Variants in RAB10 observed in about 807,000 individuals in gnomAD.
RAB10 encodes the protein RAB10, member RAS oncogene family.
In RAB10, 5 loss-of-function variants were observed where a neutral mutation model predicts 25.7. The ratio of observed to expected loss-of-function variants is 0.19; its 90% CI spans 0.10 to 0.41. The LOEUF (loss-of-function observed/expected upper bound fraction) is 0.41, where lower values mean the gene tolerates loss of function less well. Ranked by LOEUF, RAB10 falls within the 10% of genes least tolerant of loss-of-function variation. The pLI, the probability that RAB10 is intolerant of heterozygous loss-of-function variation, is 1.00. For synonymous variants in RAB10, 89 were observed against 86.4 expected, an observed-to-expected ratio of 1.03 and a Z score of -0.16; for missense variants, 103 against 245.8, an observed-to-expected ratio of 0.42 and a Z score of 3.89.
chr2:26,079,426 GAAGA>G (rs935258632), intron 1 of RAB10, among the ~76,000 whole-genome samples: 24 of 151,948 alleles, frequency 1.6e-4, no homozygotes, highest in Admixed American at 3.9e-4. Flanking sequence ...TCTCGTTGTT[GAAGA>G]AAGAAGTTGA....
Position 26,099,410 on chromosome 2 carries a change from C to G in RAB10, c.188+688C>G, listed in dbSNP as rs184316310. Among the ~76,000 whole-genome samples the G allele has an allele frequency of 1.3e-3, 191 of 152,212 alleles. 1 individual carries two copies. The highest frequency in any genetic ancestry group is 4.4e-3 in the African/African-American group (181 of 41,548). On this transcript the variant is annotated intron_variant, in intron 2 of 5. Transcript: ENST00000264710. ...CAGTCAAGATAGTGAACATATTTGT[C>G]ACCTCAAAAGTTTCCTCAAGCCTCT...
Position 26,034,564 on chromosome 2 carries a change from A to C in RAB10, c.-45A>C. 1 of 1,611,606 alleles carries C rather than the reference A, an allele frequency of 6.2e-7. No homozygotes were observed. The highest frequency in any genetic ancestry group is 8.5e-7 in the Non-Finnish European group (1 of 1,179,570). On this transcript the variant is annotated 5_prime_UTR_variant, in exon 1 of 6. Transcript: ENST00000264710. ...GAGTTGGCCGTAGTGAGAGGGACCG[A>C]TCCCTTGGGGCCGCCGGCGGCGAGA...
chr2:26,083,378 C>G (rs1201842985), intron 1 of RAB10, among the ~76,000 whole-genome samples: 2 of 151,686 alleles, frequency 1.3e-5, no homozygotes, highest in East Asian at 1.9e-4. Flanking sequence ...TCTTTTTTCT[C>G]TTTTCTCTCT....
chr2:26,041,127 A>G (rs1282096498), intron 1 of RAB10, among the ~76,000 whole-genome samples: 1 of 152,056 alleles, frequency 6.6e-6, no homozygotes, highest in East Asian at 1.9e-4. Context: ...GCAGGCAGGT[A>G]GGCAGACAGG....
At chr2:26,117,443 C>T (rs1299256139) in intron 3 of RAB10, among the ~76,000 whole-genome samples, 1 of 151,956 alleles carries the variant, frequency 6.6e-6, no homozygotes. Context: ...GAAACCCCGT[C>T]TCTACTAAAA....
At chr2:26,051,029 C>G (rs957870770) in intron 1 of RAB10, among the ~76,000 whole-genome samples, 3 of 152,056 alleles carry the variant, frequency 2.0e-5, no homozygotes, top group Non-Finnish European at 4.4e-5. Flanking sequence ...AGAGATCTTC[C>G]TGGGTTCAAG....
At chr2:26,120,461 G>C (rs192912060) in intron 3 of RAB10, among the ~76,000 whole-genome samples, 60 of 152,192 alleles carry the variant, frequency 3.9e-4, no homozygotes, top group Admixed American at 2.2e-3. Context: ...GCACATGGCA[G>C]GATTTTAGGA....
intron 3 of RAB10, among the ~76,000 whole-genome samples, chr2:26,119,930 G>A (rs929631383): frequency 2.6e-5 from 4 of 152,232 alleles, no homozygotes; most frequent in Admixed American, 2.0e-4. Flanking sequence ...ACTGATGTGA[G>A]TTGGCGTGGA....
At chr2:26,052,727 T>G (rs1292989521) in intron 1 of RAB10, among the ~76,000 whole-genome samples, 1 of 152,166 alleles carries the variant, frequency 6.6e-6, no homozygotes, top group African/African-American at 2.4e-5. Context: ...CTCCTATCTG[T>G]AGTCTCATTC....
intron 1 of RAB10, among the ~76,000 whole-genome samples, chr2:26,050,024 T>C (rs781410048): frequency 6.6e-6 from 1 of 152,250 alleles, no homozygotes; most frequent in Non-Finnish European, 1.5e-5. Context: ...TTATTAATTA[T>C]GCCTGGTTGC....
chr2:26,050,304 C>T (rs1241287418), intron 1 of RAB10, among the ~76,000 whole-genome samples: 1 of 152,122 alleles, frequency 6.6e-6, no homozygotes, highest in Admixed American at 6.6e-5. Context: ...AAACATTACT[C>T]CATTGTCTTC....
intron 3 of RAB10, among the ~76,000 whole-genome samples, chr2:26,110,604 T>C (rs1667550649): frequency 1.3e-5 from 2 of 152,242 alleles, no homozygotes; most frequent in Non-Finnish European, 1.5e-5. Flanking sequence ...TATAGAAATA[T>C]AATATTGCTT....
intron 3 of RAB10, among the ~76,000 whole-genome samples, chr2:26,118,065 C>G (rs191362441): frequency 6.6e-6 from 1 of 151,178 alleles, no homozygotes; most frequent in African/African-American, 2.4e-5. Context: ...CTCCACCTCC[C>G]GGATTCAAGT....
intron 2 of RAB10, 24 bp from the exon 3 acceptor site, chr2:26,109,744 G>A: frequency 1.3e-6 from 2 of 1,526,898 alleles, no homozygotes; most frequent in Non-Finnish European, 1.7e-6. Context: ...ATGCTTAATA[G>A]AAATTATTGG....
At chr2:26,130,028 C>G (rs113376918) in intron 5 of RAB10, among the ~76,000 whole-genome samples, 2 of 152,120 alleles carry the variant, frequency 1.3e-5, no homozygotes, top group African/African-American at 4.8e-5. Context: ...ATACCAAAGT[C>G]TAAATAGCAC....
chr2:26,038,924 C>CAA (rs34311018), intron 1 of RAB10, among the ~76,000 whole-genome samples: 2 of 103,342 alleles, frequency 1.9e-5, no homozygotes, highest in Non-Finnish European at 3.6e-5. Flanking sequence ...GACTCTGTCT[C>CAA]AAAAAAAAAA....
intron 1 of RAB10, among the ~76,000 whole-genome samples, chr2:26,079,879 T>G (rs1345040094): frequency 6.6e-6 from 1 of 152,138 alleles, no homozygotes; most frequent in East Asian, 1.9e-4. Flanking sequence ...TTGCCCAGGC[T>G]GAACTCCTGG....
chr2:26,060,077 T>C (rs1002428558), intron 1 of RAB10, among the ~76,000 whole-genome samples: 9 of 152,184 alleles, frequency 5.9e-5, no homozygotes, highest in African/African-American at 2.2e-4. Flanking sequence ...AATGCCAGTC[T>C]TTTAAAATCC....
chr2:26,117,472 G>T (rs964120855), intron 3 of RAB10, among the ~76,000 whole-genome samples: 1 of 151,870 alleles, frequency 6.6e-6, no homozygotes, highest in Non-Finnish European at 1.5e-5. Flanking sequence ...AAAATTAGCC[G>T]GGCATGGTGG....
Sources: gnomAD v4.1 joint callset for allele counts (sites outside exome capture counted in the v4.1 genomes callset) on GRCh38, gnomAD v4.1.1 for gene constraint, MANE v1.5 for transcripts, NCBI Gene and HGNC (gene_info 2026-07-23, HGNC 2026-07-21) for gene names.